The following TNS1 variants were observed in gnomAD, a reference collection of about 807,000 sequenced individuals.
The protein encoded by TNS1 is tensin-1.
A neutral mutation model predicts 168.6 loss-of-function variants in TNS1; 62 were observed. The observed-to-expected ratio is 0.37, with a 90% confidence interval of 0.30 to 0.45. The LOEUF (loss-of-function observed/expected upper bound fraction) is 0.45. TNS1 is among the 20% of genes least tolerant of loss of function. The pLI, the probability that TNS1 is intolerant of heterozygous loss-of-function variation, is 1.00. For missense variants in TNS1, 2,240 were observed against 2,339.4 expected, an observed-to-expected ratio of 0.96 and a Z score of 0.88; for synonymous variants, 934 against 933.2, an observed-to-expected ratio of 1.00 and a Z score of -0.02.
intron 3 of TNS1, among the ~76,000 whole-genome samples, chr2:217,946,840 A>G (rs1326642746): frequency 1.3e-5 from 2 of 151,944 alleles, no homozygotes; most frequent in East Asian, 1.9e-4. Flanking sequence ...AAGCTAGAGG[A>G]TTTCACAGAA....
At chr2:217,857,829 C>G (rs1165171990) in intron 18 of TNS1, among the ~76,000 whole-genome samples, 1 of 152,228 alleles carries the variant, frequency 6.6e-6, no homozygotes, top group Non-Finnish European at 1.5e-5. Context: ...CCCCTACCCT[C>G]AGCCTATACG....
intron 2 of TNS1, 34 bp downstream of exon 2, chr2:217,990,908 G>A (rs1474580240): frequency 3.4e-6 from 2 of 580,414 alleles, no homozygotes; most frequent in Middle Eastern, 7.0e-4. Flanking sequence ...CCTGATGGGT[G>A]CTCCCATCCC....
intron 1 of TNS1, among the ~76,000 whole-genome samples, chr2:218,031,396 T>TGTGA (rs1279633685): frequency 6.6e-6 from 1 of 151,118 alleles, no homozygotes; most frequent in East Asian, 1.9e-4. Context: ...GAATGTCTTG[T>TGTGA]GTGAGTGTGT....
intron 3 of TNS1, among the ~76,000 whole-genome samples, chr2:217,967,782 C>T (rs933586998): frequency 1.3e-5 from 2 of 152,172 alleles, no homozygotes; most frequent in African/African-American, 4.8e-5. Flanking sequence ...TCTTCCAAAA[C>T]ATAGAAGACA....
chr2:217,943,649 G>A (rs1957022804), intron 3 of TNS1, among the ~76,000 whole-genome samples: 3 of 152,188 alleles, frequency 2.0e-5, no homozygotes, highest in Admixed American at 2.0e-4. Flanking sequence ...CTGAAGACAG[G>A]GGACTGACAA....
At chr2:217,850,101 A>T (rs771924584) in intron 18 of TNS1, 1 of 985,290 alleles carries the variant, frequency 1.0e-6, no homozygotes, top group Non-Finnish European at 1.2e-6. Context: ...CATACCACTC[A>T]AGACTCCAGG....
At chr2:217,982,422 A>C in intron 2 of TNS1, among the ~76,000 whole-genome samples, 1 of 134,292 alleles carries the variant, frequency 7.4e-6, no homozygotes. Context: ...TTTTTTAGAC[A>C]TGGTCTTGCT....
intron 25 of TNS1, 119 bp downstream of exon 25, chr2:217,814,793 C>A: frequency 1.3e-6 from 1 of 774,220 alleles, no homozygotes; most frequent in Non-Finnish European, 2.1e-6. Context: ...CCCCAGCCCC[C>A]TCTGTGATGA....
At chr2:217,834,993 C>T (rs1353445307) in intron 21 of TNS1, 98 bp downstream of exon 21, 1 of 1,082,006 alleles carries the variant, frequency 9.2e-7, no homozygotes, top group Non-Finnish European at 1.3e-6. Flanking sequence ...GGGGCACTGT[C>T]ACCCCCAACC....
At chr2:217,968,820 G>A (rs561489206) in intron 3 of TNS1, among the ~76,000 whole-genome samples, 8 of 152,212 alleles carry the variant, frequency 5.3e-5, no homozygotes, top group South Asian at 2.1e-4. Context: ...TCAGCCTCCC[G>A]AGTAGCTGGG....
chr2:217,851,332 C>T (rs1425824843), intron 18 of TNS1, among the ~76,000 whole-genome samples: 3 of 152,014 alleles, frequency 2.0e-5, no homozygotes, highest in Admixed American at 1.3e-4. Flanking sequence ...CAGACAACCA[C>T]AAAACAGGAA....
At position 217,800,629 on chromosome 2, in the gene TNS1, G is replaced by A. The variant is rs1431994551; in HGVS notation, c.*3830C>T. 6.6e-6 allele frequency: 1 copy of A among 152,264 alleles called. No homozygotes were observed. The highest frequency in any genetic ancestry group is 1.5e-5 in the Non-Finnish European group (1 of 68,118). The allele number at this position is 152,264 out of a possible 1,614,324, so 9.4% of individuals were successfully genotyped here. On this transcript the variant is annotated 3_prime_UTR_variant, in exon 33 of 33. Coordinates refer to ENST00000682258, the MANE Select transcript of TNS1 (RefSeq NM_001387777.1). ...CGCGAGTCTCAGGATTCCAGGGCCT[G>A]GACCTGGGGTAAAGGGCTGCTCTGG...
intron 32 of TNS1, among the ~76,000 whole-genome samples, chr2:217,805,585 A>C (rs1012072501): frequency 0.012 from 4 of 334 alleles, no homozygotes; most frequent in South Asian, 0.25. Context: ...CACACACACA[A>C]CACACACCAC....
Position 217,841,459 on chromosome 2 carries a change from G to A in TNS1, c.3008-5248C>T, listed in dbSNP as rs1251358112. On this transcript the variant is annotated intron_variant, in intron 19 of 32. Coordinates refer to ENST00000682258, the MANE Select transcript of TNS1 (RefSeq NM_001387777.1). Reference sequence around the variant, plus strand: ...GGACAAAACACAACAAAAACAAAGAGAAAATCAAGATTAGTTGGTGTTCTG... The same window carrying A: ...GGACAAAACACAACAAAAACAAAGAAAAAATCAAGATTAGTTGGTGTTCTG... Among the ~76,000 whole-genome samples the A allele has an allele frequency of 2.6e-5, 4 of 152,234 alleles. No homozygotes were observed. The East Asian group carries it at 7.7e-4, about 29-fold the overall frequency.
At chr2:217,998,917 C>A (rs150301354) in intron 1 of TNS1, among the ~76,000 whole-genome samples, 3 of 152,190 alleles carry the variant, frequency 2.0e-5, no homozygotes, top group Non-Finnish European at 4.4e-5. Flanking sequence ...CTTGGTAACA[C>A]CCATCCTGCT....
chr2:217,881,025 T>C lies in TNS1; in HGVS notation c.1313-11A>G, dbSNP rs1481041541. On this transcript the variant is annotated splice_polypyrimidine_tract_variant and intron_variant, in intron 17 of 32. Transcript: ENST00000682258. ...CCAGGTGCTCCATGCCTAAGTGGGA[T>C]GGGAAAGGCAGCGGCAGTCGGGGAG... The C allele has an allele frequency of 1.9e-6, 3 of 1,599,668 alleles. No homozygotes were observed. Among genetic ancestry groups the C allele is most frequent in the Non-Finnish European group, 2.6e-6 (3 of 1,167,084 alleles).
chr2:217,921,186 C>T (rs929917113), intron 3 of TNS1, among the ~76,000 whole-genome samples: 3 of 152,198 alleles, frequency 2.0e-5, no homozygotes, highest in Non-Finnish European at 4.4e-5. Context: ...AGCCAGGACA[C>T]GTTTTTCTTG....
chr2:217,860,361 G>C (rs367565751), intron 18 of TNS1, among the ~76,000 whole-genome samples: 1 of 152,152 alleles, frequency 6.6e-6, no homozygotes, highest in South Asian at 2.1e-4. Flanking sequence ...GGGACAGCTC[G>C]GTGTCACAGA....
At chr2:217,812,110 T>C (rs540967898) in intron 28 of TNS1, among the ~76,000 whole-genome samples, 2 of 152,368 alleles carry the variant, frequency 1.3e-5, no homozygotes, top group Non-Finnish European at 2.9e-5. Context: ...GGATTCCATA[T>C]GAATTTCTTC....
Sources: allele counts gnomAD v4.1 joint callset (sites outside exome capture counted in the v4.1 genomes callset), GRCh38; gene constraint gnomAD v4.1.1; transcripts MANE v1.5; gene names NCBI Gene and HGNC (gene_info 2026-07-23, HGNC 2026-07-21).